CSMD2: variants seen among roughly 807,000 people sequenced by gnomAD.
CSMD2 encodes CUB and Sushi multiple domains 2, also known as CUB and sushi domain-containing protein 2.
CSMD2 carries 130 observed loss-of-function variants against 398.5 expected under a neutral mutation model. The observed-to-expected ratio is 0.33, with a 90% CI of 0.28 to 0.38. The LOEUF (loss-of-function observed/expected upper bound fraction) is 0.38. Among genes scored for constraint, CSMD2 ranks in the 10% least tolerant of loss-of-function variants. The pLI is 1.00. For missense variants in CSMD2, 3,829 were observed against 4,764.9 expected, an observed-to-expected ratio of 0.80 and a Z score of 5.78; for synonymous variants, 1,828 against 1,908.5, an observed-to-expected ratio of 0.96 and a Z score of 1.10.
chr1:33,611,408 A>G (rs1640995801), intron 40 of CSMD2, among the ~76,000 whole-genome samples, 158 bp from the exon 41 acceptor site: 1 of 152,238 alleles, frequency 6.6e-6, no homozygotes, highest in Non-Finnish European at 1.5e-5. Flanking sequence ...TTGCCCGTCC[A>G]GCCAAGTCTC....
chr1:33,817,092 T>C (rs1023321847), intron 9 of CSMD2, among the ~76,000 whole-genome samples: 11 of 152,192 alleles, frequency 7.2e-5, no homozygotes, highest in Admixed American at 2.0e-4. Context: ...AGAATAGTGA[T>C]TGCGATTAAT....
At chr1:33,783,431 T>TCTCTCTCTC (rs1653056945) in intron 12 of CSMD2, among the ~76,000 whole-genome samples, 2 of 135,150 alleles carry the variant, frequency 1.5e-5, no homozygotes, top group African/African-American at 5.8e-5. Context: ...CATTCTCTCA[T>TCTCTCTCTC]TCTCTCTCTC....
At chr1:34,029,443 G>A (rs1255120847) in intron 3 of CSMD2, among the ~76,000 whole-genome samples, 1 of 152,146 alleles carries the variant, frequency 6.6e-6, no homozygotes, top group African/African-American at 2.4e-5. Flanking sequence ...ACATCCCAGG[G>A]CATATATCAG....
At chr1:33,569,643 TA>T in intron 51 of CSMD2, 96 bp from the exon 52 acceptor site, 1 of 1,255,290 alleles carries the variant, frequency 8.0e-7, no homozygotes, top group Non-Finnish European at 1.1e-6. Flanking sequence ...AAGACCTGTT[TA>T]ACCTTACTCT....
At chr1:33,743,702 G>A in intron 13 of CSMD2, 96 bp from the exon 14 acceptor site, 1 of 899,476 alleles carries the variant, frequency 1.1e-6, no homozygotes, top group Non-Finnish European at 1.7e-6. Flanking sequence ...AGTCTAAAAA[G>A]CAACAGAAAG....
At chr1:34,118,631 T>C (rs1401239760) in intron 1 of CSMD2, among the ~76,000 whole-genome samples, 2 of 152,196 alleles carry the variant, frequency 1.3e-5, no homozygotes, top group African/African-American at 4.8e-5. Context: ...AAAAAGGAGA[T>C]TTGTTTTGTT....
At chr1:34,029,941 T>A (rs1650200356) in intron 3 of CSMD2, among the ~76,000 whole-genome samples, 2 of 152,234 alleles carry the variant, frequency 1.3e-5, no homozygotes, top group South Asian at 4.1e-4. Flanking sequence ...ATGCCTGGAC[T>A]GCCTCACCTG....
At chr1:33,541,092 C>T (rs374307023) in intron 59 of CSMD2, 38 bp downstream of exon 59, 48 of 1,603,386 alleles carry the variant, frequency 3.0e-5, no homozygotes, top group Non-Finnish European at 4.0e-5. Context: ...TTTGTATCTT[C>T]TTTGGCTCTC....
chr1:33,822,869 G>C (rs1175078888), intron 7 of CSMD2, among the ~76,000 whole-genome samples: 1 of 152,142 alleles, frequency 6.6e-6, no homozygotes, highest in Admixed American at 6.5e-5. Flanking sequence ...TCCCAGCTAA[G>C]CACCCACCTT....
At chr1:33,768,543 T>C (rs951834141) in intron 13 of CSMD2, among the ~76,000 whole-genome samples, 4 of 79,690 alleles carry the variant, frequency 5.0e-5, no homozygotes, top group African/African-American at 1.8e-4. Flanking sequence ...TGCATGTGTG[T>C]GTGTGTGTGT....
At chr1:33,848,706 A>G (rs1238980517) in intron 5 of CSMD2, among the ~76,000 whole-genome samples, 2 of 152,186 alleles carry the variant, frequency 1.3e-5, no homozygotes, top group African/African-American at 4.8e-5. Flanking sequence ...TATGGTAAAA[A>G]CTATTATAAA....
At chr1:34,096,625 A>G (rs1210030078) in intron 1 of CSMD2, among the ~76,000 whole-genome samples, 2 of 122,606 alleles carry the variant, frequency 1.6e-5, no homozygotes, top group African/African-American at 6.5e-5. Flanking sequence ...CAACAGACAA[A>G]CAGAGAGCCA....
chr1:33,555,261 G>T (rs1365162493), intron 55 of CSMD2, among the ~76,000 whole-genome samples: 1 of 152,170 alleles, frequency 6.6e-6, no homozygotes, highest in African/African-American at 2.4e-5. Context: ...AATTAGAAGT[G>T]GAGCCTGAAG....
intron 46 of CSMD2, 135 bp downstream of exon 46, chr1:33,586,369 A>G (rs973894608): frequency 4.0e-5 from 24 of 607,204 alleles, no homozygotes; most frequent in African/African-American, 3.9e-4. Context: ...TCCATCAGAC[A>G]ACATTTACCA....
At chr1:33,940,011 G>C (rs143930366) in intron 3 of CSMD2, among the ~76,000 whole-genome samples, 65 of 152,312 alleles carry the variant, frequency 4.3e-4, no homozygotes, top group African/African-American at 1.4e-3. Context: ...GAAAACAACA[G>C]AAACTTATTT....
At position 33,638,575 on chromosome 1, in the gene CSMD2, A is replaced by G. The variant is rs545283823; in HGVS notation, c.4775-2021T>C. 4.6e-5 allele frequency among the ~76,000 whole-genome samples: 7 copies of G among 152,288 alleles called. No individual in the cohort carries two copies. The East Asian group carries it at 1.2e-3, about 25-fold the overall frequency. On this transcript the variant is annotated intron_variant, in intron 29 of 70. Coordinates refer to ENST00000373381, the MANE Select transcript of CSMD2 (RefSeq NM_001281956.2). Reference sequence around the variant, plus strand: ...GATCATGTCTGCTGAAAACAATCCAATAGCCTCCCGTGTCACTTGGGGTAA... The same window carrying G: ...GATCATGTCTGCTGAAAACAATCCAGTAGCCTCCCGTGTCACTTGGGGTAA...
At chr1:33,577,946 C>T (rs1216637740) in intron 48 of CSMD2, among the ~76,000 whole-genome samples, 2 of 152,188 alleles carry the variant, frequency 1.3e-5, no homozygotes, top group Admixed American at 6.5e-5. Flanking sequence ...ATCACTTCAG[C>T]TCCAATTTCC....
intron 27 of CSMD2, among the ~76,000 whole-genome samples, chr1:33,655,461 A>G (rs185891929): frequency 9.2e-5 from 14 of 152,232 alleles, no homozygotes; most frequent in Admixed American, 8.5e-4. Flanking sequence ...CATTTTCACT[A>G]TTTTACTGGT....
At chr1:33,693,616 T>C (rs1432936127) in intron 24 of CSMD2, among the ~76,000 whole-genome samples, 1 of 152,186 alleles carries the variant, frequency 6.6e-6, no homozygotes, top group East Asian at 1.9e-4. Context: ...AATGAAAACA[T>C]GTTCACATAA....
Sources: gnomAD v4.1 joint callset for allele counts (sites outside exome capture counted in the v4.1 genomes callset) on GRCh38, gnomAD v4.1.1 for gene constraint, MANE v1.5 for transcripts, NCBI Gene and HGNC (gene_info 2026-07-23, HGNC 2026-07-21) for gene names.